The following ST8SIA1 variants were observed in gnomAD, a reference collection of about 807,000 sequenced individuals.
ST8SIA1 encodes the protein ST8 alpha-N-acetyl-neuraminide alpha-2,8-sialyltransferase 1.
Under a neutral mutation model 35.9 loss-of-function variants are expected in ST8SIA1, and 16 were observed. The ratio of observed to expected loss-of-function variants is 0.45; its 90% CI spans 0.30 to 0.68. The LOEUF is 0.68. Among genes scored for constraint, ST8SIA1 ranks in the 30% least tolerant of loss-of-function variants. ST8SIA1 has a pLI of 0.09. For synonymous variants in ST8SIA1, 170 were observed against 169.6 expected, an observed-to-expected ratio of 1.00 and a Z score of -0.02; for missense variants, 383 against 453.6, an observed-to-expected ratio of 0.84 and a Z score of 1.41.
intron 1 of ST8SIA1, among the ~76,000 whole-genome samples, chr12:22,303,974 T>C (rs1009550249): frequency 1.3e-5 from 2 of 152,076 alleles, no homozygotes; most frequent in Admixed American, 1.3e-4. Flanking sequence ...TTTATTTACA[T>C]AACAAGGCCA....
chr12:22,256,570 T>G lies in ST8SIA1; in HGVS notation c.382-1181A>C, dbSNP rs191720892. On this transcript the variant is annotated intron_variant, in intron 2 of 4. Transcript: ENST00000396037. The stretch of plus-strand genomic sequence containing the variant: ...CAAAAGAACAAATCCAATAAGTATA[T>G]GAATATACACTGTAAGGGCCTCATA... 4.9e-4 allele frequency among the ~76,000 whole-genome samples: 74 copies of G among 152,298 alleles called. 1 individual carries two copies. The highest frequency in any genetic ancestry group is 3.4e-3 in the Middle Eastern group (1 of 294).
At position 22,220,395 on chromosome 12, in the gene ST8SIA1, AAG is replaced by A. The variant is rs543259677; in HGVS notation, c.585-18359_585-18358del. Among the ~76,000 whole-genome samples the A allele has an allele frequency of 1.5e-4, 23 of 152,296 alleles. 1 individual carries two copies. The South Asian group carries it at 4.6e-3, about 30-fold the overall frequency. On this transcript the variant is annotated intron_variant, in intron 4 of 4. Coordinates refer to ENST00000396037, the MANE Select transcript of ST8SIA1 (RefSeq NM_003034.4). ...AGTGTTTAATAAATGCATATTGAAT[AAG>A]AGAGAGAGACAGAGAAGGAAAACAA...
intron 1 of ST8SIA1, among the ~76,000 whole-genome samples, chr12:22,316,476 T>G (rs138180662): frequency 1.3e-5 from 2 of 152,260 alleles, no homozygotes; most frequent in East Asian, 3.9e-4. Context: ...CTCACTATAC[T>G]AAAACAAATC....
At chr12:22,257,382 T>G (rs1237811743) in intron 2 of ST8SIA1, among the ~76,000 whole-genome samples, 4 of 113,600 alleles carry the variant, frequency 3.5e-5, no homozygotes, top group Non-Finnish European at 7.2e-5. Context: ...CAGCTAATTT[T>G]TTTTTTTTTT....
At chr12:22,207,977 T>C (rs2120625074) in intron 4 of ST8SIA1, among the ~76,000 whole-genome samples, 1 of 152,098 alleles carries the variant, frequency 6.6e-6, no homozygotes, top group South Asian at 2.1e-4. Context: ...ACCCCATCTC[T>C]ACTAAAAATA....
intron 3 of ST8SIA1, among the ~76,000 whole-genome samples, chr12:22,253,727 G>C (rs1174558851): frequency 6.6e-6 from 1 of 152,096 alleles, no homozygotes; most frequent in Admixed American, 6.5e-5. Context: ...TCTGTTGTTT[G>C]TTCACGTTGA....
chr12:22,274,806 T>A (rs1865950382), intron 2 of ST8SIA1, among the ~76,000 whole-genome samples: 1 of 152,164 alleles, frequency 6.6e-6, no homozygotes, highest in South Asian at 2.1e-4. Flanking sequence ...AAAGCAACCA[T>A]CCATTTCATC....
chr12:22,214,132 A>G (rs769628852), intron 4 of ST8SIA1, among the ~76,000 whole-genome samples: 2 of 152,186 alleles, frequency 1.3e-5, no homozygotes, highest in Non-Finnish European at 2.9e-5. Flanking sequence ...AACACTGACA[A>G]ATTATCGCAC....
At chr12:22,317,175 T>C (rs533332134) in intron 1 of ST8SIA1, among the ~76,000 whole-genome samples, 7 of 152,318 alleles carry the variant, frequency 4.6e-5, no homozygotes, top group Admixed American at 1.3e-4. Flanking sequence ...TTTTATCTAC[T>C]TTAAAAAATA....
chr12:22,226,214 C>G (rs1865356047), intron 4 of ST8SIA1, among the ~76,000 whole-genome samples: 1 of 152,176 alleles, frequency 6.6e-6, no homozygotes, highest in South Asian at 2.1e-4. Context: ...CTTGGCTAGA[C>G]TTTTTAAAGA....
chr12:22,256,030 T>G (rs1199328423), intron 2 of ST8SIA1, among the ~76,000 whole-genome samples: 3 of 152,230 alleles, frequency 2.0e-5, no homozygotes, highest in Non-Finnish European at 2.9e-5. Flanking sequence ...AAGAAGGCAT[T>G]TCTGCTGAGC....
chr12:22,270,387 G>A (rs1036613627), intron 2 of ST8SIA1, among the ~76,000 whole-genome samples: 2 of 152,140 alleles, frequency 1.3e-5, no homozygotes, highest in African/African-American at 4.8e-5. Flanking sequence ...GAATCAAATT[G>A]AGAAAATATA....
At chr12:22,253,053 C>T (rs1259232183) in intron 3 of ST8SIA1, among the ~76,000 whole-genome samples, 4 of 152,072 alleles carry the variant, frequency 2.6e-5, no homozygotes, top group Admixed American at 6.6e-5. Flanking sequence ...ACTACATAAA[C>T]GGTGTTACAA....
At chr12:22,202,342 G>A (rs940095030) in intron 4 of ST8SIA1, among the ~76,000 whole-genome samples, 4 of 152,110 alleles carry the variant, frequency 2.6e-5, no homozygotes, top group Non-Finnish European at 4.4e-5. Context: ...AATGGAAAAC[G>A]GTTTAATTCT....
intron 4 of ST8SIA1, among the ~76,000 whole-genome samples, chr12:22,233,245 AC>A (rs1303037885): frequency 3.3e-5 from 5 of 152,236 alleles, no homozygotes; most frequent in Non-Finnish European, 5.9e-5. Flanking sequence ...CTCAGAAGCA[AC>A]ACTGAATCTA....
chr12:22,294,722 G>T (rs974162793), intron 1 of ST8SIA1, among the ~76,000 whole-genome samples: 2 of 152,128 alleles, frequency 1.3e-5, no homozygotes, highest in Non-Finnish European at 2.9e-5. Context: ...ATTGAAAGAA[G>T]GAACTTTTGA....
chr12:22,325,262 C>T (rs936098504), intron 1 of ST8SIA1: 11 of 552,946 alleles, frequency 2.0e-5, no homozygotes, highest in Non-Finnish European at 2.2e-5. Context: ...GATTTTGCAT[C>T]CCAGGCAAGA....
intron 4 of ST8SIA1, among the ~76,000 whole-genome samples, chr12:22,248,403 C>A (rs570130383): frequency 6.6e-6 from 1 of 152,090 alleles, no homozygotes; most frequent in African/African-American, 2.4e-5. Flanking sequence ...TGACCCCCTC[C>A]CCCACCCCCG....
intron 2 of ST8SIA1, among the ~76,000 whole-genome samples, chr12:22,268,361 C>A (rs149277201): frequency 6.6e-6 from 1 of 152,280 alleles, no homozygotes; most frequent in East Asian, 1.9e-4. Context: ...AAGCGGGTAA[C>A]ATAAACGAGT....
Sources: allele counts gnomAD v4.1 joint callset (sites outside exome capture counted in the v4.1 genomes callset), GRCh38; gene constraint gnomAD v4.1.1; transcripts MANE v1.5; gene names NCBI Gene and HGNC (gene_info 2026-07-23, HGNC 2026-07-21).